The following SATB2 variants were observed in gnomAD, a reference collection of about 807,000 sequenced individuals.
The protein encoded by SATB2 is DNA-binding protein SATB2.
In SATB2, 1 loss-of-function variant was observed where a neutral mutation model predicts 73.4. The ratio of observed to expected loss-of-function variants is 0.01; its 90% CI spans 0.00 to 0.06. The LOEUF (loss-of-function observed/expected upper bound fraction) is 0.06, where lower values mean the gene tolerates loss of function less well. SATB2 is among the 10% of genes least tolerant of loss of function. SATB2 has a pLI of 1.00. For synonymous variants in SATB2, 397 were observed against 367.0 expected (o/e 1.08, Z -0.93); for missense variants, 459 against 945.8 (o/e 0.49, Z 6.75).
At chr2:199,390,696 T>C (rs1690103742) in intron 3 of SATB2, among the ~76,000 whole-genome samples, 1 of 152,228 alleles carries the variant, frequency 6.6e-6, no homozygotes, top group African/African-American at 2.4e-5. Context: ...GGTCTAAGAA[T>C]ACAGTTGCCT....
At chr2:199,366,526 T>C (rs981583777) in intron 6 of SATB2, among the ~76,000 whole-genome samples, 1 of 152,096 alleles carries the variant, frequency 6.6e-6, no homozygotes, top group African/African-American at 2.4e-5. Context: ...ATTCTTTGTT[T>C]TTCCTCCCAC....
intron 2 of SATB2, among the ~76,000 whole-genome samples, chr2:199,436,342 T>A (rs1018963847): frequency 6.6e-6 from 1 of 152,098 alleles, no homozygotes; most frequent in Admixed American, 6.6e-5. Context: ...GGTTCAGTGA[T>A]TGAAGGAAGC....
At chr2:199,357,603 T>C (rs976046185) in intron 6 of SATB2, among the ~76,000 whole-genome samples, 14 of 152,160 alleles carry the variant, frequency 9.2e-5, no homozygotes, top group Admixed American at 8.5e-4. Context: ...TATTTGATGA[T>C]AAAAGATAGC....
rs116409700 is a variant in SATB2, at chr2:199,277,122, A to G, written c.1741-4450T>C. On this transcript the variant is annotated intron_variant, in intron 10 of 10. Coordinates refer to ENST00000417098, the MANE Select transcript of SATB2 (RefSeq NM_001172509.2). ...GAAAAACAAATTAATATAAAAGAGT[A>G]GAAAAAAATAGGAAAAGCCTGCATT... Among the ~76,000 whole-genome samples the G allele has an allele frequency of 6.7e-3, 1,018 of 152,344 alleles. 16 individuals carry two copies. Among genetic ancestry groups the G allele is most frequent in the African/African-American group, 0.024 (979 of 41,578 alleles).
At chr2:199,287,578 G>A (rs963070839) in intron 10 of SATB2, among the ~76,000 whole-genome samples, 6 of 151,974 alleles carry the variant, frequency 3.9e-5, no homozygotes, top group African/African-American at 1.4e-4. Flanking sequence ...TAATATGGAG[G>A]GGTGTGGTGG....
intron 2 of SATB2, among the ~76,000 whole-genome samples, chr2:199,442,648 G>C (rs1691852637): frequency 1.3e-5 from 2 of 152,184 alleles, no homozygotes; most frequent in Admixed American, 1.3e-4. Flanking sequence ...TTGGAAGGCT[G>C]AAGTGGAAGG....
chr2:199,366,500 AT>A (rs1689289082), intron 6 of SATB2, among the ~76,000 whole-genome samples: 1 of 152,054 alleles, frequency 6.6e-6, no homozygotes, highest in Non-Finnish European at 1.5e-5. Flanking sequence ...TCTGTACACC[AT>A]TATACCTGTC....
At position 199,308,523 on chromosome 2, in the gene SATB2, CTCAG is replaced by C. The variant is rs1169570648; in HGVS notation, c.1740+233_1740+236del. 3.9e-5 allele frequency among the ~76,000 whole-genome samples: 6 copies of C among 152,054 alleles called. No individual in the cohort carries two copies. The highest frequency in any genetic ancestry group is 1.2e-4 in the African/African-American group (5 of 41,386). On this transcript the variant is annotated intron_variant, in intron 10 of 10. Transcript: ENST00000417098. This position sits in a 1 kb window ranked among gnomAD's most constrained non-coding sequence, Gnocchi z 4.6. Reference sequence around the variant, plus strand: ...AGCAGCTGTCTTTGGCATTCAACTTCTCAGTCATTTTTCTTTGTGTGTGCATACA... The same window carrying C: ...AGCAGCTGTCTTTGGCATTCAACTTCTCATTTTTCTTTGTGTGTGCATACA...
intron 8 of SATB2, 36 bp from the exon 9 acceptor site, chr2:199,323,994 T>C (rs1247542413): frequency 6.2e-7 from 1 of 1,611,798 alleles, no homozygotes; most frequent in African/African-American, 1.3e-5. Context: ...ATTTAAAAAG[T>C]GCTGCATTCA....
intron 2 of SATB2, among the ~76,000 whole-genome samples, chr2:199,450,321 C>T (rs1692087044): frequency 6.6e-6 from 1 of 152,098 alleles, no homozygotes. Flanking sequence ...GTTACACATA[C>T]AACTTTTGTC....
chr2:199,435,674 C>T (rs564104963), intron 2 of SATB2, among the ~76,000 whole-genome samples: 1 of 152,240 alleles, frequency 6.6e-6, no homozygotes, highest in African/African-American at 2.4e-5. Flanking sequence ...TTCATGTATC[C>T]AGGATTTATT....
intron 10 of SATB2, among the ~76,000 whole-genome samples, chr2:199,283,195 T>C (rs985575207): frequency 4.6e-5 from 7 of 151,030 alleles, no homozygotes; most frequent in Non-Finnish European, 5.9e-5. Context: ...GCCATTCTCC[T>C]GCCTCAGCCT....
intron 3 of SATB2, among the ~76,000 whole-genome samples, chr2:199,384,235 T>C (rs1049505066): frequency 2.6e-5 from 4 of 152,186 alleles, no homozygotes; most frequent in Non-Finnish European, 4.4e-5. Context: ...GAGCAGCTGC[T>C]ACAGTTTGGT....
At chr2:199,456,186 G>T in intron 1 of SATB2, 90 bp from the exon 2 acceptor site, 1 of 790,718 alleles carries the variant, frequency 1.3e-6, no homozygotes, top group Non-Finnish European at 2.1e-6. Context: ...CAGTGGCAGA[G>T]CGCTGCACCA....
intron 10 of SATB2, among the ~76,000 whole-genome samples, chr2:199,293,296 C>T (rs758924339): frequency 1.1e-4 from 17 of 151,974 alleles, no homozygotes; most frequent in Non-Finnish European, 1.6e-4. Flanking sequence ...ATAATTCATT[C>T]CATTATACAT....
At chr2:199,354,596 G>A (rs1688917628) in intron 6 of SATB2, among the ~76,000 whole-genome samples, 2 of 152,160 alleles carry the variant, frequency 1.3e-5, no homozygotes, top group African/African-American at 4.8e-5. Flanking sequence ...CAGTAGCTGT[G>A]AGACTTTTGG....
intron 2 of SATB2, among the ~76,000 whole-genome samples, chr2:199,449,945 T>A (rs141343345): frequency 4.7e-4 from 71 of 152,248 alleles, no homozygotes; most frequent in Middle Eastern, 3.4e-3. Context: ...GCAAACTCTT[T>A]TCTTCATTTT....
upstream of SATB2, among the ~76,000 whole-genome samples, chr2:199,459,430 C>T (rs148053854): frequency 0.013 from 2,021 of 152,280 alleles, 18 homozygotes; most frequent in South Asian, 0.029. This position sits in a 1 kb window ranked among gnomAD's most constrained non-coding sequence, Gnocchi z 4.2. Flanking sequence ...CCTGCGATTC[C>T]GCTTGGGCGC....
chr2:199,377,734 T>C (rs1574563906), intron 5 of SATB2, among the ~76,000 whole-genome samples: 1 of 151,838 alleles, frequency 6.6e-6, no homozygotes, highest in East Asian at 1.9e-4. Flanking sequence ...CACAGGAGAA[T>C]CAGGTGGCAG....
Sources: gnomAD v4.1 joint callset for allele counts (sites outside exome capture counted in the v4.1 genomes callset) on GRCh38, gnomAD v4.1.1 for gene constraint, Gnocchi (gnomAD v3.1) non-coding constraint, MANE v1.5 for transcripts, NCBI Gene and HGNC (gene_info 2026-07-23, HGNC 2026-07-21) for gene names.